The following CHM variants were observed in gnomAD, a reference collection of about 807,000 sequenced individuals.
CHM encodes CHM Rab escort protein.
In CHM, 10 loss-of-function variants were observed where a neutral mutation model predicts 49.0. That is an observed-to-expected ratio of 0.20 (90% CI 0.13 to 0.35). The LOEUF (loss-of-function observed/expected upper bound fraction) is 0.35, where lower values mean the gene tolerates loss of function less well. CHM is among the 10% of genes least tolerant of loss of function. The pLI is 1.00. For synonymous variants in CHM, 184 were observed against 167.5 expected, an observed-to-expected ratio of 1.10 and a Z score of -0.76; for missense variants, 455 against 478.4, an observed-to-expected ratio of 0.95 and a Z score of 0.46.
rs141303026 is a variant in CHM, at chrX:85,989,304, G to A, written c.117-7495C>T. Among the ~76,000 whole-genome samples, 175 of 111,843 alleles carry A rather than the reference G, an allele frequency of 1.6e-3. No homozygotes were observed. In the East Asian group the frequency reaches 0.017, roughly 11 times the overall value. On this transcript the variant is annotated intron_variant, in intron 2 of 14. Coordinates refer to ENST00000357749, the MANE Select transcript of CHM (RefSeq NM_000390.4). ...GATAACAGGCTAGCCATATGTAGAA[G>A]ACTGTATCTGGAGCCCTTCCTTACA...
chrX:85,903,518 G>A (rs888786900), intron 9 of CHM: 1 of 374,329 alleles, frequency 2.7e-6, no homozygotes, highest in Non-Finnish European at 5.3e-6. Context: ...CAAAAGGCAA[G>A]TATGGGGGTT....
chrX:86,020,613 T>C (rs949401326), intron 2 of CHM, among the ~76,000 whole-genome samples: 5 of 101,562 alleles, frequency 4.9e-5, no homozygotes, highest in African/African-American at 1.7e-4. Context: ...ATTACAAAAA[T>C]TTATATATGA....
intron 9 of CHM, among the ~76,000 whole-genome samples, chrX:85,904,398 A>G (rs979664343): frequency 8.9e-6 from 1 of 111,778 alleles, no homozygotes; most frequent in African/African-American, 3.3e-5. Flanking sequence ...GTTCAACGAT[A>G]TAAGTGTGTA....
chrX:85,957,830 G>A (rs760300529), intron 7 of CHM, 25 bp downstream of exon 7: 1 of 1,190,305 alleles, frequency 8.4e-7, no homozygotes, highest in African/African-American at 1.8e-5. Context: ...AATAATTGGA[G>A]AGCACTACTT....
At position 85,862,764 on chromosome X, in the gene CHM, C is replaced by A. The variant is rs1473485293; in HGVS notation, c.*1866G>T. The A allele has an allele frequency of 9.0e-6, 1 of 111,007 alleles. No individual in the cohort carries two copies. The highest frequency in any genetic ancestry group is 3.3e-5 in the African/African-American group (1 of 30,493). The allele number at this position is 111,007 out of a possible 1,213,427, so 9.1% of individuals were successfully genotyped here. A position where few individuals can be genotyped will look rare whatever the true frequency, so the allele number is the denominator to read the frequency against. On this transcript the variant is annotated 3_prime_UTR_variant, in exon 15 of 15. Coordinates refer to ENST00000357749, the MANE Select transcript of CHM (RefSeq NM_000390.4). ...GAAAGGTGAGGCAAGAGCTATATTC[C>A]TTGGTTCTTTCCATTTCCCATGAAT... is the stretch of plus-strand genomic sequence containing the variant.
chrX:85,972,524 G>A (rs1230609852), intron 4 of CHM, among the ~76,000 whole-genome samples: 5 of 113,284 alleles, frequency 4.4e-5, no homozygotes, highest in East Asian at 2.8e-4. Context: ...GCTAAGGCCC[G>A]GTGAGAAATT....
In CHM at chrX:85,957,733, G is replaced by T. The variant is rs185805155; in HGVS notation, c.940+122C>A. On this transcript the variant is annotated intron_variant, in intron 7 of 14. Coordinates refer to ENST00000357749, the MANE Select transcript of CHM (RefSeq NM_000390.4). ...AAATGTTACTAATGGCTAACCTATT[G>T]ATAGTGCAGAGTTAGAATGCATTTT... The T allele has an allele frequency of 9.8e-3, 8,092 of 825,512 alleles. 429 individuals are homozygous for T. In the African/African-American group the frequency reaches 0.15, roughly 16 times the overall value. The allele number at this position is 825,512 out of a possible 1,213,427, so 68.0% of individuals were successfully genotyped here.
chrX:85,954,893 C>CAAA lies in CHM; in HGVS notation c.1166+1257_1166+1259dup, dbSNP rs768276965. On this transcript the variant is annotated intron_variant, in intron 8 of 14. Coordinates refer to ENST00000357749, the MANE Select transcript of CHM (RefSeq NM_000390.4). ...GGTGACAGAGCAAGACTCCATCTCC[C>CAAA]AAAAAAAAAAAAACAAAAGAATGAG... is the stretch of plus-strand genomic sequence containing the variant. Among the ~76,000 whole-genome samples, 241 of 83,235 alleles carry CAAA rather than the reference C, an allele frequency of 2.9e-3. 2 individuals are homozygous for CAAA. Among genetic ancestry groups the CAAA allele is most frequent in the African/African-American group, 3.2e-3 (73 of 22,866 alleles). The allele number at this position is 83,235 out of a possible 115,157, so 72.3% of individuals were successfully genotyped here.
intron 11 of CHM, among the ~76,000 whole-genome samples, chrX:85,900,068 A>G (rs1418214903): frequency 1.8e-5 from 2 of 111,975 alleles, no homozygotes; most frequent in African/African-American, 3.2e-5. Flanking sequence ...TGTTCAATGC[A>G]GCATTATTCA....
intron 1 of CHM, among the ~76,000 whole-genome samples, chrX:86,043,635 G>A (rs1934556698): frequency 9.0e-6 from 1 of 110,553 alleles, no homozygotes; most frequent in Admixed American, 9.6e-5. Context: ...TACTTGGGAG[G>A]CTGAGGTTTC....
intron 14 of CHM, among the ~76,000 whole-genome samples, chrX:85,869,411 G>C (rs746865596): frequency 2.1e-4 from 23 of 110,644 alleles, no homozygotes; most frequent in Admixed American, 3.9e-4. Flanking sequence ...CCTCCCCATA[G>C]AATAGCTTTT....
At chrX:85,908,871 G>T (rs1006924) in intron 9 of CHM, among the ~76,000 whole-genome samples, 27,004 of 110,698 alleles carry the variant, frequency 0.24, 2,475 homozygotes, top group African/African-American at 0.28. Flanking sequence ...GACTGAAGAT[G>T]ATGCATTATG....
At chrX:86,001,156 AATATC>A (rs1344521215) in intron 2 of CHM, among the ~76,000 whole-genome samples, 4 of 111,919 alleles carry the variant, frequency 3.6e-5, no homozygotes, top group African/African-American at 6.5e-5. Flanking sequence ...AAATAAGAAA[AATATC>A]ATAAGTCCAT....
chrX:86,010,910 T>G (rs1379837756), intron 2 of CHM, among the ~76,000 whole-genome samples: 1 of 111,594 alleles, frequency 9.0e-6, no homozygotes, highest in African/African-American at 3.3e-5. Flanking sequence ...CACCTCAACT[T>G]TCTCATCAAC....
intron 6 of CHM, 139 bp downstream of exon 6, chrX:85,958,722 T>C: frequency 1.0e-6 from 1 of 995,266 alleles, no homozygotes; most frequent in Non-Finnish European, 1.4e-6. Context: ...TAATTAAGCA[T>C]TTACATTTGT....
At chrX:85,978,664 A>C (rs1050238599) in intron 4 of CHM, 103 bp downstream of exon 4, 5 of 844,366 alleles carry the variant, frequency 5.9e-6, no homozygotes, top group Non-Finnish European at 3.4e-6. Context: ...TATTAACGTG[A>C]CTTGTAGCAA....
At chrX:85,914,803 GT>G (rs962131980) in intron 8 of CHM, among the ~76,000 whole-genome samples, 4 of 110,960 alleles carry the variant, frequency 3.6e-5, no homozygotes, top group African/African-American at 1.3e-4. Flanking sequence ...GGCAGCCCCT[GT>G]TGAAGAATTG....
intron 9 of CHM, among the ~76,000 whole-genome samples, chrX:85,906,588 A>G (rs1268771660): frequency 3.6e-5 from 4 of 111,802 alleles, no homozygotes; most frequent in African/African-American, 1.3e-4. Context: ...CAATCTATCT[A>G]ACTTTAGAGC....
At chrX:86,013,078 A>G (rs187690097) in intron 2 of CHM, among the ~76,000 whole-genome samples, 188 of 110,592 alleles carry the variant, frequency 1.7e-3, no homozygotes, top group African/African-American at 5.8e-3. Flanking sequence ...ATCAGCACAC[A>G]CTCCCCTATT....
Sources: allele counts gnomAD v4.1 joint callset (sites outside exome capture counted in the v4.1 genomes callset), GRCh38; gene constraint gnomAD v4.1.1; transcripts MANE v1.5; gene names NCBI Gene and HGNC (gene_info 2026-07-23, HGNC 2026-07-21).